PPFIA2: variants seen among roughly 807,000 people sequenced by gnomAD.
The protein encoded by PPFIA2 is PPFI scaffold protein A2.
Under a neutral mutation model 175.5 loss-of-function variants are expected in PPFIA2, and 46 were observed. That is an observed-to-expected ratio of 0.26 (90% CI 0.21 to 0.34). The LOEUF is 0.34. Among genes scored for constraint, PPFIA2 ranks in the 10% least tolerant of loss-of-function variants. PPFIA2 has a pLI of 1.00. For synonymous variants in PPFIA2, 568 were observed against 511.4 expected, an observed-to-expected ratio of 1.11 and a Z score of -1.49; for missense variants, 1,179 against 1,506.1, an observed-to-expected ratio of 0.78 and a Z score of 3.60.
At chr12:81,666,948 A>C (rs1221238912) in intron 4 of PPFIA2, among the ~76,000 whole-genome samples, 1 of 152,116 alleles carries the variant, frequency 6.6e-6, no homozygotes, top group African/African-American at 2.4e-5. Flanking sequence ...TCAAAGGTTT[A>C]TATAAAATAT....
chr12:81,464,267 ACAT>A (rs1181727286), intron 4 of PPFIA2, among the ~76,000 whole-genome samples: 1 of 152,114 alleles, frequency 6.6e-6, no homozygotes, highest in Non-Finnish European at 1.5e-5. Flanking sequence ...TATGCTGGGT[ACAT>A]TGTTATGAAC....
chr12:81,715,447 C>A (rs563347045), intron 3 of PPFIA2, among the ~76,000 whole-genome samples: 65 of 151,776 alleles, frequency 4.3e-4, no homozygotes, highest in African/African-American at 1.5e-3. Context: ...AATAAAATTA[C>A]ATTTTCTCAG....
At chr12:81,514,593 CACTT>C (rs753891529) in intron 4 of PPFIA2, among the ~76,000 whole-genome samples, 13 of 151,932 alleles carry the variant, frequency 8.6e-5, no homozygotes, top group South Asian at 4.1e-4. Flanking sequence ...CAAGTAAACT[CACTT>C]ACTAAGGCTG....
chr12:81,286,064 T>C (rs547941818), intron 24 of PPFIA2, among the ~76,000 whole-genome samples: 1 of 152,150 alleles, frequency 6.6e-6, no homozygotes, highest in African/African-American at 2.4e-5. Flanking sequence ...TGTGTCTTAG[T>C]TTGTAACGAA....
chr12:81,693,625 G>A (rs777530889), intron 3 of PPFIA2, among the ~76,000 whole-genome samples: 16 of 152,134 alleles, frequency 1.1e-4, no homozygotes, highest in Non-Finnish European at 8.8e-5. Context: ...GGAGTTTGGG[G>A]CACTGCTATA....
intron 13 of PPFIA2, 61 bp downstream of exon 13, chr12:81,368,664 A>T: frequency 2.0e-6 from 3 of 1,497,804 alleles, no homozygotes; most frequent in Non-Finnish European, 2.7e-6. Flanking sequence ...TTGCAGCTGT[A>T]TATAAAACAA....
At position 81,358,123 on chromosome 12, in the gene PPFIA2, G is replaced by T. The variant is rs776418266; in HGVS notation, c.1732C>A (p.Pro578Thr). ...DYRTTKVIRR[P>T]RRGRMGVRRD... is the part of the protein sequence containing the mutation. Reference sequence around the variant, plus strand: ...CGCACACCCATGCGGCCTCTCCTTGGTCTTCTTATTACTTTAGTTGTTCTG... The same window carrying T: ...CGCACACCCATGCGGCCTCTCCTTGTTCTTCTTATTACTTTAGTTGTTCTG... Residue 578 changes from proline to threonine, a missense_variant, in exon 16 of 33, where the codon CCA becomes ACA. By Grantham distance (38) the Pro-to-Thr change is conservative (BLOSUM62 -1). This residue lies in a region of PPFIA2 where 186 missense variants were observed against 163.6 expected (regional missense o/e 1.14). Coordinates refer to ENST00000549396, the MANE Select transcript of PPFIA2 (RefSeq NM_003625.5). The T allele has an allele frequency of 6.2e-7, 1 of 1,604,136 alleles. No homozygotes were observed.
At chr12:81,734,104 TC>T (rs1196081977) in intron 3 of PPFIA2, among the ~76,000 whole-genome samples, 3 of 151,798 alleles carry the variant, frequency 2.0e-5, no homozygotes, top group Non-Finnish European at 2.9e-5. Context: ...TACCACTGTT[TC>T]CTATTTCAGG....
intron 4 of PPFIA2, among the ~76,000 whole-genome samples, chr12:81,601,709 C>A (rs1029233582): frequency 6.6e-6 from 1 of 151,798 alleles, no homozygotes; most frequent in Non-Finnish European, 1.5e-5. Context: ...CCATGCCCAA[C>A]ATTTCATCTA....
At chr12:81,473,498 C>T (rs1207455692) in intron 4 of PPFIA2, among the ~76,000 whole-genome samples, 1 of 152,178 alleles carries the variant, frequency 6.6e-6, no homozygotes, top group Non-Finnish European at 1.5e-5. Flanking sequence ...ATACCATCTT[C>T]CTACAGCTTC....
At chr12:81,515,237 G>T (rs974392476) in intron 4 of PPFIA2, among the ~76,000 whole-genome samples, 1 of 151,868 alleles carries the variant, frequency 6.6e-6, no homozygotes, top group Non-Finnish European at 1.5e-5. Flanking sequence ...GGGGGTACAA[G>T]GTTACCCCTT....
At chr12:81,667,281 C>A (rs990635503) in intron 4 of PPFIA2, among the ~76,000 whole-genome samples, 1 of 152,042 alleles carries the variant, frequency 6.6e-6, no homozygotes, top group Non-Finnish European at 1.5e-5. Context: ...TTGAAGGAGC[C>A]CATCATCACT....
At chr12:81,613,688 G>T (rs1016382501) in intron 4 of PPFIA2, among the ~76,000 whole-genome samples, 1 of 152,078 alleles carries the variant, frequency 6.6e-6, no homozygotes, top group Non-Finnish European at 1.5e-5. Flanking sequence ...TTTCCTTAGT[G>T]TGCAAAAGTT....
chr12:81,606,289 A>C (rs1354094112), intron 4 of PPFIA2, among the ~76,000 whole-genome samples: 1 of 152,074 alleles, frequency 6.6e-6, no homozygotes, highest in African/African-American at 2.4e-5. Context: ...ATATGAGTCC[A>C]TGTAACTTTT....
At chr12:81,450,089 G>A (rs1230049972) in intron 5 of PPFIA2, among the ~76,000 whole-genome samples, 1 of 152,098 alleles carries the variant, frequency 6.6e-6, no homozygotes, top group Non-Finnish European at 1.5e-5. Flanking sequence ...GAATAGTGCT[G>A]CAATAAACAT....
chr12:81,360,857 T>C (rs1003976234), intron 15 of PPFIA2, among the ~76,000 whole-genome samples: 3 of 151,814 alleles, frequency 2.0e-5, no homozygotes, highest in Non-Finnish European at 4.4e-5. Context: ...ACTATACATA[T>C]AATCCCTACT....
intron 2 of PPFIA2, among the ~76,000 whole-genome samples, chr12:81,754,511 C>T (rs1412370269): frequency 6.6e-5 from 10 of 152,132 alleles, no homozygotes; most frequent in Admixed American, 3.9e-4. Flanking sequence ...ATGATTTATC[C>T]CACCTAATTC....
intron 4 of PPFIA2, among the ~76,000 whole-genome samples, chr12:81,638,927 T>C (rs1490043204): frequency 6.6e-6 from 1 of 151,810 alleles, no homozygotes; most frequent in African/African-American, 2.4e-5. Flanking sequence ...GACCTCGTGA[T>C]CCGCCCGCCT....
At chr12:81,385,200 A>G (rs1434482229) in intron 8 of PPFIA2, among the ~76,000 whole-genome samples, 1 of 152,148 alleles carries the variant, frequency 6.6e-6, no homozygotes, top group Non-Finnish European at 1.5e-5. Context: ...CAAAAAGCCA[A>G]TAAGTGTTGG....
Sources: gnomAD v4.1 joint callset for allele counts (sites outside exome capture counted in the v4.1 genomes callset) on GRCh38, gnomAD v4.1.1 for gene constraint, gnomAD v4.1.1 regional missense constraint, MANE v1.5 for transcripts, NCBI Gene and HGNC (gene_info 2026-07-23, HGNC 2026-07-21) for gene names.